The following RBFOX3 variants were observed in gnomAD, a reference collection of about 807,000 sequenced individuals.
RBFOX3 encodes RNA binding fox-1 homolog 3.
A neutral mutation model predicts 48.7 loss-of-function variants in RBFOX3; 17 were observed. That is an observed-to-expected ratio of 0.35 (90% confidence interval 0.24 to 0.52). RBFOX3 has a LOEUF of 0.52. Among genes scored for constraint, RBFOX3 ranks in the 20% least tolerant of loss-of-function variants. The probability of loss-of-function intolerance (pLI) is 0.94; values close to 1 mark genes in which losing one functional copy is unlikely to be tolerated. For missense variants in RBFOX3, 382 were observed against 497.5 expected, an observed-to-expected ratio of 0.77 and a Z score of 2.21; for synonymous variants, 212 against 209.5, an observed-to-expected ratio of 1.01 and a Z score of -0.10.
intron 10 of RBFOX3, 79 bp downstream of exon 10, chr17:79,097,612 GC>G (rs1481691294): frequency 1.4e-6 from 1 of 692,848 alleles, no homozygotes; most frequent in Non-Finnish European, 2.2e-6. Context: ...CGCCCCTCAT[GC>G]CCCGCCCCCA....
At chr17:79,405,680 C>T (rs1007604118) in intron 2 of RBFOX3, among the ~76,000 whole-genome samples, 7 of 152,134 alleles carry the variant, frequency 4.6e-5, no homozygotes, top group East Asian at 1.9e-4. Flanking sequence ...GAGATCATAC[C>T]GCTGCTCTCC....
At chr17:79,235,889 T>C (rs989668237) in intron 3 of RBFOX3, 84 bp from the exon 4 acceptor site, 1 of 153,500 alleles carries the variant, frequency 6.5e-6, no homozygotes, top group Non-Finnish European at 1.5e-5. Context: ...TGCTATTTGC[T>C]CATCGACTAG....
At chr17:79,161,341 C>G (rs1387635870) in intron 4 of RBFOX3, among the ~76,000 whole-genome samples, 1 of 152,212 alleles carries the variant, frequency 6.6e-6, no homozygotes, top group Admixed American at 6.5e-5. Context: ...CCGTCCTCTG[C>G]TGCCAATGAA....
intron 4 of RBFOX3, among the ~76,000 whole-genome samples, chr17:79,122,035 C>T (rs1267469288): frequency 3.3e-5 from 5 of 152,080 alleles, no homozygotes; most frequent in Admixed American, 1.3e-4. Context: ...TGAGGTCTTC[C>T]CCATCTCAGG....
intron 1 of RBFOX3, among the ~76,000 whole-genome samples, chr17:79,541,670 GCTA>G (rs1568395478): frequency 1.3e-5 from 2 of 152,162 alleles, no homozygotes; most frequent in African/African-American, 4.8e-5. Flanking sequence ...CCATCAAACC[GCTA>G]GGCCTCAAGT....
At chr17:79,268,019 C>T (rs1288495271) in intron 3 of RBFOX3, among the ~76,000 whole-genome samples, 2 of 152,204 alleles carry the variant, frequency 1.3e-5, no homozygotes, top group Non-Finnish European at 2.9e-5. Context: ...AAAATGTCCT[C>T]GGTCTCTGCA....
chr17:79,484,932 G>A (rs1381273091), intron 1 of RBFOX3, among the ~76,000 whole-genome samples: 2 of 152,204 alleles, frequency 1.3e-5, no homozygotes, highest in Non-Finnish European at 2.9e-5. Context: ...TGGTCCCCTT[G>A]GGGCTTTCAG....
chr17:79,271,651 A>G (rs959379799), intron 3 of RBFOX3, among the ~76,000 whole-genome samples: 3 of 152,014 alleles, frequency 2.0e-5, no homozygotes, highest in Non-Finnish European at 2.9e-5. Flanking sequence ...TCTCATTCCA[A>G]CTGAAAGCTC....
At chr17:79,537,118 A>AAAC (rs1820065172) in intron 1 of RBFOX3, among the ~76,000 whole-genome samples, 1 of 123,720 alleles carries the variant, frequency 8.1e-6, no homozygotes, top group Non-Finnish European at 1.7e-5. Context: ...AACAAAAAAC[A>AAAC]AAAAAAAAAA....
intron 1 of RBFOX3, among the ~76,000 whole-genome samples, chr17:79,501,287 C>T (rs939493872): frequency 8.5e-5 from 13 of 152,222 alleles, no homozygotes; most frequent in Non-Finnish European, 1.2e-4. Context: ...ATTCACTGGG[C>T]GGGCTCAGCC....
chr17:79,305,419 C>T (rs544415738), intron 3 of RBFOX3, among the ~76,000 whole-genome samples: 5 of 152,320 alleles, frequency 3.3e-5, no homozygotes, highest in Admixed American at 6.5e-5. Context: ...AAAATCAAGA[C>T]GACGCACAGC....
At chr17:79,287,190 G>A (rs2072131941) in intron 3 of RBFOX3, among the ~76,000 whole-genome samples, 1 of 152,186 alleles carries the variant, frequency 6.6e-6, no homozygotes, top group Non-Finnish European at 1.5e-5. Context: ...GGTGCTCTGA[G>A]TGTGTTTGAG....
intron 2 of RBFOX3, among the ~76,000 whole-genome samples, chr17:79,394,785 T>C (rs1029069537): frequency 1.3e-5 from 2 of 152,174 alleles, no homozygotes; most frequent in African/African-American, 2.4e-5. Context: ...CCCAGGCTCA[T>C]TGGAGCCACA....
intron 1 of RBFOX3, chr17:79,603,869 TG>T (rs2093766507): frequency 6.6e-6 from 1 of 152,188 alleles, no homozygotes; most frequent in African/African-American, 2.4e-5. Context: ...CTGGGAAGGG[TG>T]CACGCCCTCC....
At position 79,163,512 on chromosome 17, in the gene RBFOX3, A is replaced by C. The variant is rs547562291; in HGVS notation, c.-33-47764T>G. Among the ~76,000 whole-genome samples, 3 of 152,332 alleles carry C rather than the reference A, an allele frequency of 2.0e-5. No individual in the cohort carries two copies. The South Asian group carries it at 6.2e-4, about 32-fold the overall frequency. On this transcript the variant is annotated intron_variant, in intron 4 of 14. Coordinates refer to ENST00000693108, the MANE Select transcript of RBFOX3 (RefSeq NM_001350451.2). ...CAGAGATCCTGTCATTCAGGAGAAC[A>C]TTCTTCCCCAGAAACCCTGGCAACA...
At chr17:79,264,558 T>G (rs890450828) in intron 3 of RBFOX3, among the ~76,000 whole-genome samples, 5 of 152,210 alleles carry the variant, frequency 3.3e-5, no homozygotes, top group African/African-American at 1.2e-4. Context: ...GAGAATCCAT[T>G]TCTGTTGTCT....
intron 2 of RBFOX3, among the ~76,000 whole-genome samples, chr17:79,432,574 T>C (rs1309424853): frequency 1.3e-5 from 2 of 152,236 alleles, no homozygotes; most frequent in East Asian, 1.9e-4. Flanking sequence ...TTGTTTGAAG[T>C]GTAAACAAAG....
At chr17:79,374,017 T>C (rs191392196) in intron 2 of RBFOX3, among the ~76,000 whole-genome samples, 23 of 152,242 alleles carry the variant, frequency 1.5e-4, no homozygotes, top group African/African-American at 5.5e-4. Context: ...CACCTAATAA[T>C]TAGCCCAGCT....
chr17:79,486,876 T>C (rs2079686339), intron 1 of RBFOX3, among the ~76,000 whole-genome samples: 1 of 152,210 alleles, frequency 6.6e-6, no homozygotes, highest in Non-Finnish European at 1.5e-5. Flanking sequence ...TTCAACCTGC[T>C]GCAGAACCAG....
Sources: allele counts gnomAD v4.1 joint callset (sites outside exome capture counted in the v4.1 genomes callset), GRCh38; gene constraint gnomAD v4.1.1; transcripts MANE v1.5; gene names NCBI Gene and HGNC (gene_info 2026-07-23, HGNC 2026-07-21).